Variants in IGF1R observed in about 807,000 individuals in gnomAD.
The protein encoded by IGF1R is insulin like growth factor 1 receptor.
A neutral mutation model predicts 144.6 loss-of-function variants in IGF1R; 44 were observed. That is an observed-to-expected ratio of 0.30 (90% CI 0.24 to 0.39). The LOEUF (loss-of-function observed/expected upper bound fraction) is 0.39, where lower values mean the gene tolerates loss of function less well. Among genes scored for constraint, IGF1R ranks in the 10% least tolerant of loss-of-function variants. IGF1R has a pLI of 1.00. For synonymous variants in IGF1R, 795 were observed against 722.8 expected (o/e 1.10, Z -1.60); for missense variants, 1,355 against 1,833.7 (o/e 0.74, Z 4.77).
intron 2 of IGF1R, among the ~76,000 whole-genome samples, chr15:98,766,947 T>G (rs1456055724): frequency 2.6e-5 from 4 of 152,190 alleles, no homozygotes; most frequent in African/African-American, 9.7e-5. Flanking sequence ...GCCACATTAT[T>G]CCAGGGCTGC....
chr15:98,948,325 G>A (rs562705948), intron 19 of IGF1R, among the ~76,000 whole-genome samples: 27 of 152,252 alleles, frequency 1.8e-4, no homozygotes, highest in African/African-American at 5.8e-4. Flanking sequence ...AAGGGATGCC[G>A]GAAGCGCCCT....
intron 13 of IGF1R, among the ~76,000 whole-genome samples, chr15:98,926,786 G>T (rs897055655): frequency 6.6e-6 from 1 of 152,114 alleles, no homozygotes; most frequent in Non-Finnish European, 1.5e-5. Flanking sequence ...GGATGTTTAG[G>T]CAGATAATTT....
At position 98,891,501 on chromosome 15, in the gene IGF1R, G is replaced by A. The variant is rs1269644208; in HGVS notation, c.817G>A (p.Gly273Ser). 11 of 1,613,870 alleles carry A rather than the reference G, an allele frequency of 6.8e-6. No homozygotes were observed. The highest frequency in any genetic ancestry group is 9.3e-6 in the Non-Finnish European group (11 of 1,180,038). The change falls in exon 3 of 21, where the codon GGC becomes AGC. Residue 273 changes from glycine (G) to serine (S), a missense_variant. Transcript: ENST00000650285. The surrounding 1 kb of genome is among the most constrained non-coding windows in gnomAD (Gnocchi z 4.7). Reference sequence around the variant, plus strand: ...CCCGCCCAACACCTACAGGTTTGAGGGCTGGCGCTGTGTGGACCGTGACTT... The same window carrying A: ...CCCGCCCAACACCTACAGGTTTGAGAGCTGGCGCTGTGTGGACCGTGACTT... ...ACPPNTYRFEGWRCVDRDFCA... is the reference protein window; with the variant it reads ...ACPPNTYRFESWRCVDRDFCA...
chr15:98,702,291 A>G (rs2053756338), intron 1 of IGF1R, among the ~76,000 whole-genome samples: 1 of 152,176 alleles, frequency 6.6e-6, no homozygotes, highest in South Asian at 2.1e-4. Context: ...AATACCTAAG[A>G]GTATTTTGTT....
At chr15:98,920,789 T>C (rs1158510477) in intron 10 of IGF1R, among the ~76,000 whole-genome samples, 1 of 152,138 alleles carries the variant, frequency 6.6e-6, no homozygotes, top group Non-Finnish European at 1.5e-5. Context: ...AGGACCCCCG[T>C]GTGCCACTAC....
At chr15:98,777,293 A>G (rs1371318196) in intron 2 of IGF1R, among the ~76,000 whole-genome samples, 5 of 152,198 alleles carry the variant, frequency 3.3e-5, no homozygotes, top group Non-Finnish European at 5.9e-5. Flanking sequence ...CCGTTAATTC[A>G]TGTGACCTGG....
rs149337952 is a variant in IGF1R at position 98,884,398 on chromosome 15, A to G, written c.641-6927A>G. ...CTGATCTTTCTGTACCCCTCAAAAG[A>G]AAAGTTCTGTACCCGGCCAGGCCTG... is the stretch of plus-strand genomic sequence containing the variant. On this transcript the variant is annotated intron_variant, in intron 2 of 20. Transcript: ENST00000650285. Among the ~76,000 whole-genome samples the G allele has an allele frequency of 3.7e-3, 560 of 152,302 alleles. 1 individual carries two copies. The highest frequency in any genetic ancestry group is 5.8e-3 in the Non-Finnish European group (396 of 68,016).
intron 2 of IGF1R, among the ~76,000 whole-genome samples, chr15:98,779,024 TA>T (rs1196485726): frequency 1.3e-5 from 2 of 152,228 alleles, no homozygotes; most frequent in Non-Finnish European, 2.9e-5. Flanking sequence ...TAAATAAGAT[TA>T]AAAATTATGT....
intron 2 of IGF1R, among the ~76,000 whole-genome samples, chr15:98,839,148 C>T (rs1405762317): frequency 1.3e-5 from 2 of 152,252 alleles, no homozygotes; most frequent in African/African-American, 4.8e-5. Flanking sequence ...TCAGCCCTTA[C>T]TCTATGCCAG....
At chr15:98,895,151 G>C (rs1459327133) in intron 3 of IGF1R, among the ~76,000 whole-genome samples, 2 of 151,988 alleles carry the variant, frequency 1.3e-5, no homozygotes, top group African/African-American at 4.8e-5. Context: ...GCTTGGTGGT[G>C]ACGGAACAGT....
At chr15:98,921,067 T>C (rs774421479) in intron 10 of IGF1R, among the ~76,000 whole-genome samples, 1 of 152,204 alleles carries the variant, frequency 6.6e-6, no homozygotes, top group African/African-American at 2.4e-5. Flanking sequence ...CTCATTTCCC[T>C]GGGCAGATAG....
intron 5 of IGF1R, among the ~76,000 whole-genome samples, chr15:98,902,700 C>T (rs1286522236): frequency 6.6e-6 from 1 of 152,182 alleles, no homozygotes; most frequent in African/African-American, 2.4e-5. Context: ...AGGCTTGAGC[C>T]ACCACGCCCG....
At chr15:98,806,917 T>C (rs1240802721) in intron 2 of IGF1R, among the ~76,000 whole-genome samples, 1 of 152,110 alleles carries the variant, frequency 6.6e-6, no homozygotes, top group East Asian at 1.9e-4. Context: ...TCCCAGCACG[T>C]TGGGAGGCCG....
In IGF1R at chr15:98,961,022, G is replaced by A. The variant is rs1279996800; in HGVS notation, c.*3580G>A. The A allele has an allele frequency of 4.3e-6, 1 of 233,666 alleles. No homozygotes were observed. 14.5% of individuals were successfully genotyped at this position (233,666 alleles called of 1,614,324 possible). A position where few individuals can be genotyped will look rare whatever the true frequency, so the allele number is the denominator to read the frequency against. On this transcript the variant is annotated 3_prime_UTR_variant, in exon 21 of 21. Coordinates refer to ENST00000650285, the MANE Select transcript of IGF1R (RefSeq NM_000875.5). ...GGCACTGATGATTTCGCTGGGAAGT[G>A]TGGCGGGCAGCTTTGCCTAAGCGTG...
At position 98,959,767 on chromosome 15, in the gene IGF1R, CAGAAA is replaced by C. The variant is rs2017150287; in HGVS notation, c.*2331_*2335del. Reference sequence around the variant, plus strand: ...GCTAGTTGTGACTGAAGATTCAACACAGAAAAGAAAGTTTATACGGCTTTTTTGCT... The same window carrying C: ...GCTAGTTGTGACTGAAGATTCAACACAGAAAGTTTATACGGCTTTTTTGCT... On this transcript the variant is annotated 3_prime_UTR_variant, in exon 21 of 21. Transcript: ENST00000650285. 4.3e-6 allele frequency: 1 copy of C among 232,626 alleles called. No homozygotes were observed. The highest frequency in any genetic ancestry group is 5.6e-5 in the Admixed American group (1 of 17,702). 14.4% of individuals were successfully genotyped at this position (232,626 alleles called of 1,614,324 possible). A position where few individuals can be genotyped will look rare whatever the true frequency, so the allele number is the denominator to read the frequency against.
intron 10 of IGF1R, chr15:98,917,086 G>C (rs1409529053): frequency 3.2e-6 from 2 of 634,580 alleles, no homozygotes; most frequent in Non-Finnish European, 5.7e-6. Flanking sequence ...CAGGGCTTGG[G>C]TTGCTGGGGC....
At chr15:98,906,998 G>A (rs2014764562) in intron 5 of IGF1R, among the ~76,000 whole-genome samples, 2 of 152,208 alleles carry the variant, frequency 1.3e-5, no homozygotes, top group South Asian at 4.1e-4. Flanking sequence ...TTCCGTGGTG[G>A]CTCTGTGACT....
At chr15:98,806,025 A>C (rs2056463926) in intron 2 of IGF1R, among the ~76,000 whole-genome samples, 1 of 152,110 alleles carries the variant, frequency 6.6e-6, no homozygotes, top group Non-Finnish European at 1.5e-5. Flanking sequence ...ACTTGCCTGA[A>C]AGGTTGAGAG....
At chr15:98,879,471 C>A (rs1281892718) in intron 2 of IGF1R, among the ~76,000 whole-genome samples, 1 of 152,186 alleles carries the variant, frequency 6.6e-6, no homozygotes, top group Non-Finnish European at 1.5e-5. Context: ...TATTCTCCAT[C>A]ATTAGAGCAC....
Sources: gnomAD v4.1 joint callset for allele counts (sites outside exome capture counted in the v4.1 genomes callset) on GRCh38, gnomAD v4.1.1 for gene constraint, Gnocchi (gnomAD v3.1) non-coding constraint, MANE v1.5 for transcripts, NCBI Gene and HGNC (gene_info 2026-07-23, HGNC 2026-07-21) for gene names.